GTF2A1L: variants seen among roughly 807,000 people sequenced by gnomAD.
The protein encoded by GTF2A1L is TFIIA-alpha and beta-like factor.
In GTF2A1L, 48 loss-of-function variants were observed where a neutral mutation model predicts 49.7. The ratio of observed to expected loss-of-function variants is 0.97; its 90% CI spans 0.77 to 1.23. GTF2A1L has a LOEUF of 1.23. Ranked by LOEUF, GTF2A1L falls within the 50% of genes most tolerant of loss-of-function variation. The pLI, the probability that GTF2A1L is intolerant of heterozygous loss-of-function variation, is 0.00. For synonymous variants in GTF2A1L, 246 were observed against 193.5 expected (o/e 1.27, Z -2.25); for missense variants, 736 against 564.8 (o/e 1.30, Z -3.07).
intron 1 of GTF2A1L, among the ~76,000 whole-genome samples, chr2:48,618,444 A>T (rs1373552870): frequency 6.6e-6 from 1 of 152,182 alleles, no homozygotes; most frequent in Non-Finnish European, 1.5e-5. Context: ...GAGAATTTCT[A>T]GTCTCAGTGG....
chr2:48,618,049 T>C, intron 1 of GTF2A1L, 154 bp downstream of exon 1: 1 of 778,836 alleles, frequency 1.3e-6, no homozygotes, highest in Non-Finnish European at 2.0e-6. Context: ...TTCACGTCTG[T>C]GTTGGAGGAA....
At chr2:48,622,995 A>G (rs1190811938) in intron 3 of GTF2A1L, among the ~76,000 whole-genome samples, 2 of 152,266 alleles carry the variant, frequency 1.3e-5, no homozygotes, top group South Asian at 2.1e-4. Context: ...CTTATTCTGT[A>G]TCTTAGCAGT....
intron 3 of GTF2A1L, chr2:48,632,288 C>G (rs547604620): frequency 6.6e-6 from 1 of 152,266 alleles, no homozygotes; most frequent in African/African-American, 2.4e-5. Flanking sequence ...TCCAGGAATA[C>G]TATAGGATGG....
chr2:48,647,162 T>G, intron 6 of GTF2A1L, 120 bp downstream of exon 6: 1 of 952,924 alleles, frequency 1.0e-6, no homozygotes, highest in Non-Finnish European at 1.5e-6. Flanking sequence ...TTTTTTTCTT[T>G]AGAAGATTAT....
chr2:48,620,351 AC>A (rs1363042331), intron 1 of GTF2A1L, among the ~76,000 whole-genome samples: 51 of 152,390 alleles, frequency 3.3e-4, no homozygotes, highest in Middle Eastern at 3.4e-3. Flanking sequence ...TCTGAAGCTA[AC>A]ACAGTTTATG....
chr2:48,637,486 G>C (rs1380578697), intron 3 of GTF2A1L, among the ~76,000 whole-genome samples: 6 of 152,104 alleles, frequency 3.9e-5, no homozygotes, highest in African/African-American at 1.4e-4. Context: ...TGTTAAGAGG[G>C]AAATTCATAG....
At chr2:48,663,409 C>T (rs977517578) in intron 6 of GTF2A1L, among the ~76,000 whole-genome samples, 11 of 152,014 alleles carry the variant, frequency 7.2e-5, no homozygotes, top group South Asian at 4.2e-4. Flanking sequence ...GCATTTAAGC[C>T]GGGGCAACAG....
At position 48,679,269 on chromosome 2, in the gene GTF2A1L, C is replaced by A. The variant is rs1226279799; in HGVS notation, c.1330-66C>A. The A allele has an allele frequency of 2.6e-6, 4 of 1,562,574 alleles. No individual in the cohort carries two copies. The East Asian group carries it at 9.2e-5, about 36-fold the overall frequency. ...GTGAGAATAATCCCATTTACTGTAGCAGAGAAATGCAGGTGATCCTTTAAC... is the reference window on the plus strand; with the variant it reads ...GTGAGAATAATCCCATTTACTGTAGAAGAGAAATGCAGGTGATCCTTTAAC... On this transcript the variant is annotated intron_variant, in intron 8 of 8. Coordinates refer to ENST00000403751, the MANE Select transcript of GTF2A1L (RefSeq NM_006872.5).
chr2:48,650,962 A>G (rs1318414212), intron 6 of GTF2A1L, among the ~76,000 whole-genome samples: 2 of 152,168 alleles, frequency 1.3e-5, no homozygotes, highest in Non-Finnish European at 2.9e-5. Flanking sequence ...CTTGTTTTAT[A>G]TTTATCCCCA....
chr2:48,671,687 T>C lies in GTF2A1L; in HGVS notation c.1329+7T>C. The stretch of plus-strand genomic sequence containing the variant: ...TGTCTGTCAGTATGATAAGGTACTG[T>C]ATTTACCTTTTGGACTTTGGGTTTA... On this transcript the variant is annotated splice_region_variant and intron_variant, in intron 8 of 8. Coordinates refer to ENST00000403751, the MANE Select transcript of GTF2A1L (RefSeq NM_006872.5). 6.2e-7 allele frequency: 1 copy of C among 1,606,660 alleles called. No individual in the cohort carries two copies. The highest frequency in any genetic ancestry group is 8.5e-7 in the Non-Finnish European group (1 of 1,176,658).
rs201421811 is a variant in GTF2A1L at position 48,646,969 on chromosome 2, G to A, written c.905G>A (p.Arg302Lys). Residue 302 changes from arginine to lysine, a missense_variant, in exon 6 of 9, where the codon AGG (arginine) becomes AAG (lysine). By Grantham distance (26) the Arg-to-Lys change is conservative. Transcript: ENST00000403751. ...ATTCAGCTTCATATTCTTAAAAATAGGATGTATGGATGTGATTCTGTAAAG... is the reference window on the plus strand; with the variant it reads ...ATTCAGCTTCATATTCTTAAAAATAAGATGTATGGATGTGATTCTGTAAAG... ...TDIQLHILKN[R>K]MYGCDSVKQP... The A allele has an allele frequency of 3.7e-6, 6 of 1,614,128 alleles. No individual in the cohort carries two copies. The highest frequency in any genetic ancestry group is 3.4e-6 in the Non-Finnish European group (4 of 1,180,016).
At chr2:48,635,251 C>G (rs1489991413) in intron 3 of GTF2A1L, among the ~76,000 whole-genome samples, 1 of 151,774 alleles carries the variant, frequency 6.6e-6, no homozygotes, top group Non-Finnish European at 1.5e-5. Context: ...GCACCAGGAT[C>G]TCTGCACAGG....
intron 6 of GTF2A1L, among the ~76,000 whole-genome samples, chr2:48,648,353 A>G (rs1027227754): frequency 2.0e-5 from 3 of 152,048 alleles, no homozygotes; most frequent in African/African-American, 7.2e-5. Context: ...CATCACTACT[A>G]CTTTTGGAGG....
chr2:48,650,495 A>G (rs1271231718), intron 6 of GTF2A1L, among the ~76,000 whole-genome samples: 1 of 152,144 alleles, frequency 6.6e-6, no homozygotes, highest in East Asian at 1.9e-4. Flanking sequence ...TATAACTTCT[A>G]AGTAAGAGTT....
At chr2:48,665,820 T>G (rs1678811022) in intron 6 of GTF2A1L, among the ~76,000 whole-genome samples, 1 of 152,172 alleles carries the variant, frequency 6.6e-6, no homozygotes, top group Admixed American at 6.5e-5. Flanking sequence ...TTAGGTTAAG[T>G]TGGTTGATTG....
intron 4 of GTF2A1L, among the ~76,000 whole-genome samples, chr2:48,642,739 C>T (rs1677269055): frequency 6.6e-6 from 1 of 151,760 alleles, no homozygotes; most frequent in African/African-American, 2.4e-5. Context: ...CCTAGTAATC[C>T]CAGCTACTCA....
chr2:48,664,146 G>A (rs1416242981), intron 6 of GTF2A1L, among the ~76,000 whole-genome samples: 1 of 151,624 alleles, frequency 6.6e-6, no homozygotes, highest in Non-Finnish European at 1.5e-5. Context: ...TTATTGCACT[G>A]ACTAGGACTT....
chr2:48,667,334 T>C (rs2104295234), intron 6 of GTF2A1L, among the ~76,000 whole-genome samples: 1 of 152,294 alleles, frequency 6.6e-6, no homozygotes, highest in South Asian at 2.1e-4. Flanking sequence ...TAGTTGGGAA[T>C]GGACATTACT....
intron 3 of GTF2A1L, among the ~76,000 whole-genome samples, chr2:48,638,072 A>G (rs1677000641): frequency 6.6e-6 from 1 of 152,184 alleles, no homozygotes; most frequent in African/African-American, 2.4e-5. Flanking sequence ...GAACTCCAAA[A>G]TTGAATCAGT....
Sources: gnomAD v4.1 joint callset for allele counts (sites outside exome capture counted in the v4.1 genomes callset) on GRCh38, gnomAD v4.1.1 for gene constraint, MANE v1.5 for transcripts, NCBI Gene and HGNC (gene_info 2026-07-23, HGNC 2026-07-21) for gene names.